TFPI: variants seen among roughly 807,000 people sequenced by gnomAD.
TFPI encodes the protein anti-convertin.
Under a neutral mutation model 34.6 loss-of-function variants are expected in TFPI, and 15 were observed. That is an observed-to-expected ratio of 0.43 (90% CI 0.29 to 0.67). TFPI has a LOEUF of 0.67. Among genes scored for constraint, TFPI ranks in the 30% least tolerant of loss-of-function variants. The pLI is 0.15. For synonymous variants in TFPI, 105 were observed against 120.1 expected, an observed-to-expected ratio of 0.87 and a Z score of 0.82; for missense variants, 301 against 364.0, an observed-to-expected ratio of 0.83 and a Z score of 1.41.
At chr2:187,545,151 C>T (rs997334558) in intron 1 of TFPI, among the ~76,000 whole-genome samples, 8 of 152,024 alleles carry the variant, frequency 5.3e-5, no homozygotes, top group African/African-American at 1.9e-4. Flanking sequence ...TTGTTTCACT[C>T]TTTTAAGTAC....
intron 6 of TFPI, among the ~76,000 whole-genome samples, chr2:187,483,008 G>A (rs1485635831): frequency 2.0e-5 from 3 of 151,936 alleles, no homozygotes; most frequent in Non-Finnish European, 1.5e-5. Flanking sequence ...ATTCAGTGCT[G>A]AAGCAAGACC....
At position 187,464,512 on chromosome 2, in the gene TFPI, TTGAG is replaced by T. The variant is rs1461589351; in HGVS notation, c.*2420_*2423del. 1.3e-5 allele frequency: 2 copies of T among 152,190 alleles called. No individual in the cohort carries two copies. Among genetic ancestry groups the T allele is most frequent in the Non-Finnish European group, 2.9e-5 (2 of 68,020 alleles). 9.4% of individuals were successfully genotyped at this position (152,190 alleles called of 1,614,324 possible). Reference sequence around the variant, plus strand: ...CAAGCCATCTCAGTATATGTCTTTCTTGAGTAAGTAGTGAACCAATGGACCAGTG... The same window carrying T: ...CAAGCCATCTCAGTATATGTCTTTCTTAAGTAGTGAACCAATGGACCAGTG... On this transcript the variant is annotated 3_prime_UTR_variant, in exon 8 of 8. Transcript: ENST00000233156.
Position 187,497,095 on chromosome 2 carries a change from A to G in TFPI, c.122-17T>C, listed in dbSNP as rs780805502. The G allele has an allele frequency of 1.3e-6, 2 of 1,599,538 alleles. No homozygotes were observed. The highest frequency in any genetic ancestry group is 1.7e-5 in the Admixed American group (1 of 59,260). On this transcript the variant is annotated splice_polypyrimidine_tract_variant and intron_variant, in intron 2 of 7. Coordinates refer to ENST00000233156, the MANE Select transcript of TFPI (RefSeq NM_006287.6). ...ACTCCGTATCTATAAAGTAAAAATA[A>G]AAGATATAACATGTAATCTCCATCA...
Position 187,506,281 on chromosome 2 carries a change from T to G in TFPI, c.-2-2511A>C, listed in dbSNP as rs142670360. Among the ~76,000 whole-genome samples, 99 of 152,160 alleles carry G rather than the reference T, an allele frequency of 6.5e-4. No homozygotes were observed. The East Asian group carries it at 8.0e-3, about 12-fold the overall frequency. On this transcript the variant is annotated intron_variant, in intron 1 of 7. Coordinates refer to ENST00000233156, the MANE Select transcript of TFPI (RefSeq NM_006287.6). ...TGTAAACATCTGCTTGATAAGCCCATAATCCTGGCTTTCTAATAGAAACAT... is the reference window on the plus strand; with the variant it reads ...TGTAAACATCTGCTTGATAAGCCCAGAATCCTGGCTTTCTAATAGAAACAT...
Position 187,503,728 on chromosome 2 carries a change from G to T in TFPI, c.41C>A (p.Ser14Tyr). ...TMKKVHALWA[S>Y]VCLLLNLAPA... is the part of the protein sequence containing the mutation. ...GGCAAGATTAAGCAGCAGGCATACA[G>T]AAGCCCAAAGTGCATGTACTTTCTT... The change falls in exon 2 of 8, where the codon TCT becomes TAT. Residue 14 changes from serine to tyrosine, a missense_variant. By Grantham distance (144) the Ser-to-Tyr change is moderately radical. Coordinates refer to ENST00000233156, the MANE Select transcript of TFPI (RefSeq NM_006287.6). 1 of 1,613,086 alleles carries T rather than the reference G, an allele frequency of 6.2e-7. No homozygotes were observed. The highest frequency in any genetic ancestry group is 8.5e-7 in the Non-Finnish European group (1 of 1,179,318).
intron 1 of TFPI, among the ~76,000 whole-genome samples, chr2:187,504,060 T>C (rs1686032938): frequency 6.6e-6 from 1 of 152,146 alleles, no homozygotes. Context: ...GAGACATGGG[T>C]AAACGCTGAT....
chr2:187,496,092 G>C (rs983448086), intron 3 of TFPI, among the ~76,000 whole-genome samples: 1 of 152,016 alleles, frequency 6.6e-6, no homozygotes, highest in African/African-American at 2.4e-5. Context: ...ATAATATGAC[G>C]TACTTTTGAA....
intron 1 of TFPI, among the ~76,000 whole-genome samples, chr2:187,546,512 A>C (rs911479534): frequency 1.3e-5 from 2 of 152,108 alleles, no homozygotes; most frequent in Admixed American, 1.3e-4. Flanking sequence ...CAACTACAAA[A>C]CTAGTAGCTC....
At chr2:187,552,827 A>G (rs1574550767) in intron 1 of TFPI, among the ~76,000 whole-genome samples, 1 of 152,236 alleles carries the variant, frequency 6.6e-6, no homozygotes, top group East Asian at 1.9e-4. Flanking sequence ...AAGTAGAAAA[A>G]CTTGGTTTTC....
intron 2 of TFPI, among the ~76,000 whole-genome samples, chr2:187,502,385 G>A (rs1158690160): frequency 6.6e-6 from 1 of 152,078 alleles, no homozygotes; most frequent in Non-Finnish European, 1.5e-5. Context: ...TCCCACAAGT[G>A]AGATTGCCTG....
At chr2:187,535,474 CTGAAGGACT>C (rs1034487348) in intron 1 of TFPI, among the ~76,000 whole-genome samples, 6 of 152,190 alleles carry the variant, frequency 3.9e-5, no homozygotes, top group African/African-American at 1.4e-4. Context: ...CAACCAGCTC[CTGAAGGACT>C]ACTGGGTAAA....
rs1691641169 is a variant in TFPI, at chr2:187,464,876, T to C, written c.*2060A>G. The C allele has an allele frequency of 6.6e-6, 1 of 152,244 alleles. No individual in the cohort carries two copies. The highest frequency in any genetic ancestry group is 2.1e-4 in the South Asian group (1 of 4,836). 9.4% of individuals were successfully genotyped at this position (152,244 alleles called of 1,614,324 possible). The stretch of plus-strand genomic sequence containing the variant: ...GATTTGCAATTATGTGTTAGGACTT[T>C]TCATATTCCATATTGAAACATAGTG... On this transcript the variant is annotated 3_prime_UTR_variant, in exon 8 of 8. Transcript: ENST00000233156.
In TFPI at chr2:187,543,587, T is replaced by C. The variant is rs112874888; in HGVS notation, c.-3+10613A>G. 6.9e-3 allele frequency among the ~76,000 whole-genome samples: 1,046 copies of C among 152,346 alleles called. 10 individuals are homozygous for C. The highest frequency in any genetic ancestry group is 0.024 in the African/African-American group (997 of 41,586). On this transcript the variant is annotated intron_variant, in intron 1 of 7. Transcript: ENST00000233156. ...TGTTTGCTCATGAAACATTCTCTGC[T>C]ACATTAGAGAGTGAGAAGACTCTTT... is the stretch of plus-strand genomic sequence containing the variant.
intron 6 of TFPI, among the ~76,000 whole-genome samples, chr2:187,480,039 C>G (rs1445132418): frequency 1.3e-5 from 2 of 152,022 alleles, no homozygotes; most frequent in East Asian, 3.9e-4. Context: ...TGATACTCCT[C>G]TGTGACAATA....
At chr2:187,530,614 C>A (rs1483310344) in intron 1 of TFPI, among the ~76,000 whole-genome samples, 2 of 152,174 alleles carry the variant, frequency 1.3e-5, no homozygotes, top group Non-Finnish European at 2.9e-5. Flanking sequence ...CGTAAAATAA[C>A]TTGATGGTTA....
chr2:187,485,491 G>A (rs1693195137), intron 4 of TFPI, among the ~76,000 whole-genome samples: 1 of 151,698 alleles, frequency 6.6e-6, no homozygotes, highest in African/African-American at 2.4e-5. Context: ...GCTAGCCTTA[G>A]AAGTTCCTGA....
intron 3 of TFPI, among the ~76,000 whole-genome samples, chr2:187,490,470 C>T (rs1559113083): frequency 6.6e-6 from 1 of 151,178 alleles, no homozygotes; most frequent in East Asian, 1.9e-4. Flanking sequence ...ATTAATGGAC[C>T]CCCATTATAA....
At chr2:187,467,963 A>G (rs775878323) in intron 6 of TFPI, 31 bp from the exon 7 acceptor site, 2 of 1,519,848 alleles carry the variant, frequency 1.3e-6, no homozygotes, top group Non-Finnish European at 1.8e-6. Context: ...ATGGTAAGCC[A>G]TATGTGATAG....
chr2:187,530,483 TC>T (rs1687904858), intron 1 of TFPI, among the ~76,000 whole-genome samples: 1 of 152,180 alleles, frequency 6.6e-6, no homozygotes, highest in South Asian at 2.1e-4. Flanking sequence ...ACCTGGTAAA[TC>T]CTACCCATAT....
Sources: gnomAD v4.1 joint callset for allele counts (sites outside exome capture counted in the v4.1 genomes callset) on GRCh38, gnomAD v4.1.1 for gene constraint, MANE v1.5 for transcripts, NCBI Gene and HGNC (gene_info 2026-07-23, HGNC 2026-07-21) for gene names.